Variants in ARHGAP6 observed in about 807,000 individuals in gnomAD.
ARHGAP6 encodes the protein rho GTPase-activating protein 6.
Under a neutral mutation model 55.7 loss-of-function variants are expected in ARHGAP6, and 16 were observed. That is an observed-to-expected ratio of 0.29 (90% CI 0.19 to 0.44). The LOEUF (loss-of-function observed/expected upper bound fraction) is 0.44, where lower values mean the gene tolerates loss of function less well. ARHGAP6 is among the 20% of genes least tolerant of loss of function. The pLI is 1.00. For synonymous variants in ARHGAP6, 382 were observed against 360.9 expected (o/e 1.06, Z -0.66); for missense variants, 698 against 808.9 (o/e 0.86, Z 1.66).
intron 1 of ARHGAP6, among the ~76,000 whole-genome samples, chrX:11,584,244 C>T (rs1367036119): frequency 1.8e-5 from 2 of 111,486 alleles, no homozygotes; most frequent in East Asian, 2.8e-4. Flanking sequence ...AAGAAACAAA[C>T]GAAAAGTAAA....
intron 1 of ARHGAP6, among the ~76,000 whole-genome samples, chrX:11,498,434 T>C (rs772348833): frequency 8.0e-5 from 9 of 112,270 alleles, no homozygotes; most frequent in African/African-American, 2.6e-4. Flanking sequence ...GCCAGATGAC[T>C]AAAGAAGGAG....
Position 11,138,223 on chromosome X carries a change from A to C in ARHGAP6, c.*640T>G, listed in dbSNP as rs2045571654. ...TTAGCATTTTCCTGAAAACGTATTCAATATCTAAAAGCATTCAGTGATTTT... is the reference window on the plus strand; with the variant it reads ...TTAGCATTTTCCTGAAAACGTATTCCATATCTAAAAGCATTCAGTGATTTT... On this transcript the variant is annotated 3_prime_UTR_variant, in exon 13 of 13. Transcript: ENST00000337414. The C allele has an allele frequency of 8.9e-6, 1 of 112,246 alleles. No individual in the cohort carries two copies. Among genetic ancestry groups the C allele is most frequent in the Non-Finnish European group, 1.9e-5 (1 of 53,219 alleles). The allele number at this position is 112,246 out of a possible 1,213,427, so 9.3% of individuals were successfully genotyped here.
At chrX:11,300,357 C>T (rs2048155443) in intron 1 of ARHGAP6, among the ~76,000 whole-genome samples, 1 of 111,280 alleles carries the variant, frequency 9.0e-6, no homozygotes, top group African/African-American at 3.3e-5. Context: ...GACGTACCCC[C>T]CAAAAAGGTA....
intron 1 of ARHGAP6, among the ~76,000 whole-genome samples, chrX:11,600,259 G>A (rs2051953497): frequency 8.9e-6 from 1 of 111,876 alleles, no homozygotes; most frequent in Admixed American, 9.5e-5. Flanking sequence ...AAGAATCCCA[G>A]AGTATATCTG....
chrX:11,598,391 A>G (rs1277752117), intron 1 of ARHGAP6, among the ~76,000 whole-genome samples: 2 of 112,016 alleles, frequency 1.8e-5, no homozygotes, highest in Non-Finnish European at 3.8e-5. Context: ...TTAAATTTCA[A>G]CTTTTATTTT....
intron 1 of ARHGAP6, among the ~76,000 whole-genome samples, chrX:11,368,911 C>A (rs752981037): frequency 3.6e-5 from 4 of 111,848 alleles, no homozygotes; most frequent in Non-Finnish European, 7.5e-5. Context: ...TCTAAAAAAT[C>A]CTGATATTTT....
Position 11,500,683 on chromosome X carries a change from AAG to A in ARHGAP6, c.588+163556_588+163557del, listed in dbSNP as rs1167306170. 2.5e-3 allele frequency among the ~76,000 whole-genome samples: 262 copies of A among 104,367 alleles called. 2 individuals carry two copies. The highest frequency in any genetic ancestry group is 9.1e-3 in the African/African-American group (250 of 27,400). The allele number at this position is 104,367 out of a possible 115,157, so 90.6% of individuals were successfully genotyped here. On this transcript the variant is annotated intron_variant, in intron 1 of 12. Transcript: ENST00000337414. Reference sequence around the variant, plus strand: ...TCTGTCAAAAAAAAAAAAAAAAAAAAAGAAGAAGCAAAGAGAAACCTTTTTTT... The same window carrying A: ...TCTGTCAAAAAAAAAAAAAAAAAAAAAAGAAGCAAAGAGAAACCTTTTTTT...
At chrX:11,658,150 A>G (rs1344029791) in intron 1 of ARHGAP6, among the ~76,000 whole-genome samples, 1 of 111,622 alleles carries the variant, frequency 9.0e-6, no homozygotes, top group African/African-American at 3.3e-5. Flanking sequence ...TAAGCTTTAC[A>G]GTCCCTCTCT....
chrX:11,394,974 T>A (rs2049459298), intron 1 of ARHGAP6, among the ~76,000 whole-genome samples: 1 of 112,282 alleles, frequency 8.9e-6, no homozygotes, highest in Non-Finnish European at 1.9e-5. Context: ...AGTCATGTTG[T>A]CCTTCTGAGC....
chrX:11,363,688 C>G (rs1031948042), intron 1 of ARHGAP6, among the ~76,000 whole-genome samples: 1 of 112,063 alleles, frequency 8.9e-6, no homozygotes, highest in African/African-American at 3.2e-5. Context: ...ATTGACTAAG[C>G]TTATCTTATA....
rs2051138222 is a variant in ARHGAP6, at chrX:11,539,721, TGTTTTAGGAGGG to T, written c.588+124508_588+124519del. On this transcript the variant is annotated intron_variant, in intron 1 of 12. Coordinates refer to ENST00000337414, the MANE Select transcript of ARHGAP6 (RefSeq NM_013427.3). ...GGAGTGCCTAACTACGGCCTCCCACTGTTTTAGGAGGGGTTGGGAATAGAAAAAGGAATGTGA... is the reference window on the plus strand; with the variant it reads ...GGAGTGCCTAACTACGGCCTCCCACTGTTGGGAATAGAAAAAGGAATGTGA... 6.3e-5 allele frequency among the ~76,000 whole-genome samples: 7 copies of T among 111,828 alleles called. No individual in the cohort carries two copies. In the South Asian group the frequency reaches 2.6e-3, roughly 42 times the overall value.
At chrX:11,479,544 C>T (rs957610131) in intron 1 of ARHGAP6, among the ~76,000 whole-genome samples, 1 of 112,081 alleles carries the variant, frequency 8.9e-6, no homozygotes, top group Non-Finnish European at 1.9e-5. Flanking sequence ...CTTTTCAGGG[C>T]TGGCTTCATG....
intron 1 of ARHGAP6, among the ~76,000 whole-genome samples, chrX:11,358,777 C>T (rs1035795030): frequency 1.8e-5 from 2 of 111,597 alleles, no homozygotes; most frequent in African/African-American, 3.3e-5. Flanking sequence ...CCACCGTGCC[C>T]GGCCTTAACT....
rs760544770 is a variant in ARHGAP6 at position 11,415,324 on chromosome X, C to T, written c.589-160617G>A. 3.1e-4 allele frequency among the ~76,000 whole-genome samples: 34 copies of T among 111,300 alleles called. No homozygotes were observed. In the Admixed American group the frequency reaches 3.2e-3, roughly 11 times the overall value. On this transcript the variant is annotated intron_variant, in intron 1 of 12. Transcript: ENST00000337414. ...TATATTCCCTTAATGTCTACTCAGTCTTTCTCCAATCACTGTGGATTTATG... is the reference window on the plus strand; with the variant it reads ...TATATTCCCTTAATGTCTACTCAGTTTTTCTCCAATCACTGTGGATTTATG...
At chrX:11,267,337 A>G (rs2047640399) in intron 1 of ARHGAP6, among the ~76,000 whole-genome samples, 1 of 112,145 alleles carries the variant, frequency 8.9e-6, no homozygotes, top group African/African-American at 3.2e-5. Context: ...TTTTATGGGC[A>G]CTGACTTATC....
chrX:11,337,802 G>C (rs183951244), intron 1 of ARHGAP6, among the ~76,000 whole-genome samples: 139 of 112,684 alleles, frequency 1.2e-3, no homozygotes, highest in African/African-American at 4.4e-3. Flanking sequence ...AGCTAAGGCT[G>C]GGTAGTTAAT....
intron 2 of ARHGAP6, among the ~76,000 whole-genome samples, chrX:11,210,696 A>G (rs1230325827): frequency 1.8e-5 from 2 of 112,260 alleles, no homozygotes; most frequent in Non-Finnish European, 3.8e-5. Flanking sequence ...CAAACCGAAG[A>G]TGGGTCAAAT....
intron 1 of ARHGAP6, among the ~76,000 whole-genome samples, chrX:11,614,423 C>T (rs2052139049): frequency 9.0e-6 from 1 of 111,549 alleles, no homozygotes; most frequent in African/African-American, 3.3e-5. Context: ...GGAAGAGGCA[C>T]GTTCTACATG....
intron 1 of ARHGAP6, among the ~76,000 whole-genome samples, chrX:11,265,048 C>G (rs185207335): frequency 8.9e-6 from 1 of 112,195 alleles, no homozygotes; most frequent in Non-Finnish European, 1.9e-5. Flanking sequence ...CATGATAAAC[C>G]AATCCAAACC....
Sources: gnomAD v4.1 joint callset for allele counts (sites outside exome capture counted in the v4.1 genomes callset) on GRCh38, gnomAD v4.1.1 for gene constraint, MANE v1.5 for transcripts, NCBI Gene and HGNC (gene_info 2026-07-23, HGNC 2026-07-21) for gene names.